Variants in BACH2 observed in about 807,000 individuals in gnomAD.
The protein encoded by BACH2 is BACH transcriptional regulator 2, also known as transcription regulator protein BACH2.
A neutral mutation model predicts 61.8 loss-of-function variants in BACH2; 5 were observed. The observed-to-expected ratio is 0.08, with a 90% CI of 0.04 to 0.17. BACH2 has a LOEUF of 0.17. BACH2 is among the 10% of genes least tolerant of loss of function. The probability of loss-of-function intolerance (pLI) is 1.00; values close to 1 mark genes in which losing one functional copy is unlikely to be tolerated. For missense variants in BACH2, 824 were observed against 1,091.1 expected (o/e 0.76, Z 3.45); for synonymous variants, 446 against 440.1 (o/e 1.01, Z -0.17).
intron 5 of BACH2, among the ~76,000 whole-genome samples, chr6:90,060,029 G>A (rs1471307092): frequency 1.3e-5 from 2 of 150,654 alleles, no homozygotes; most frequent in Non-Finnish European, 3.0e-5. Context: ...AATGCTAAAT[G>A]ACGAGTTAAT....
At chr6:90,174,904 G>A (rs902795319) in intron 4 of BACH2, among the ~76,000 whole-genome samples, 2 of 150,846 alleles carry the variant, frequency 1.3e-5, no homozygotes, top group Non-Finnish European at 3.0e-5. Context: ...TGGTACATAT[G>A]TAGTAAAACT....
At chr6:90,186,094 A>G (rs1158522352) in intron 4 of BACH2, among the ~76,000 whole-genome samples, 1 of 152,238 alleles carries the variant, frequency 6.6e-6, no homozygotes, top group Non-Finnish European at 1.5e-5. Context: ...GTAAAACAGT[A>G]CTGTAATTTT....
chr6:89,934,938 T>C (rs1426275826), intron 8 of BACH2, among the ~76,000 whole-genome samples: 1 of 152,082 alleles, frequency 6.6e-6, no homozygotes, highest in Non-Finnish European at 1.5e-5. Flanking sequence ...GGCATGTGTG[T>C]CGGAAAGAGA....
At chr6:90,291,895 TG>T (rs1440643904) in intron 1 of BACH2, among the ~76,000 whole-genome samples, 4 of 152,234 alleles carry the variant, frequency 2.6e-5, no homozygotes, top group Non-Finnish European at 5.9e-5. Flanking sequence ...CAACCAGCAT[TG>T]ACTTCTGAAC....
chr6:90,245,378 G>A lies in BACH2; in HGVS notation c.-275+7135C>T, dbSNP rs183397502. 1.3e-4 allele frequency among the ~76,000 whole-genome samples: 20 copies of A among 152,150 alleles called. No individual in the cohort carries two copies. The East Asian group carries it at 3.9e-3, about 29-fold the overall frequency. ...GGCCAAGGCAGGAGGATCACTTGAGGCCAGGAGTTCAAGACCAGTCAGGGC... is the reference window on the plus strand; with the variant it reads ...GGCCAAGGCAGGAGGATCACTTGAGACCAGGAGTTCAAGACCAGTCAGGGC... On this transcript the variant is annotated intron_variant, in intron 3 of 8. Transcript: ENST00000257749.
intron 4 of BACH2, among the ~76,000 whole-genome samples, chr6:90,141,710 T>C (rs1256494681): frequency 1.3e-5 from 2 of 152,206 alleles, no homozygotes; most frequent in African/African-American, 4.8e-5. Context: ...TTTAGTTGTA[T>C]ATACATACTT....
intron 4 of BACH2, among the ~76,000 whole-genome samples, chr6:90,196,010 C>T (rs558543886): frequency 6.6e-6 from 1 of 152,176 alleles, no homozygotes; most frequent in East Asian, 1.9e-4. Flanking sequence ...ATAGGTAGAA[C>T]AATCCTCAGT....
At chr6:90,030,384 G>C (rs943759633) in intron 5 of BACH2, among the ~76,000 whole-genome samples, 11 of 151,986 alleles carry the variant, frequency 7.2e-5, no homozygotes, top group Non-Finnish European at 1.5e-4. Context: ...TAGGAGGAAG[G>C]TTTCTGATTT....
intron 4 of BACH2, among the ~76,000 whole-genome samples, chr6:90,112,991 A>T (rs1783239573): frequency 6.6e-6 from 1 of 152,212 alleles, no homozygotes; most frequent in Admixed American, 6.5e-5. Flanking sequence ...ACCAACAAAG[A>T]TCAAAAAAGA....
chr6:90,056,916 G>T (rs1245491193), intron 5 of BACH2, among the ~76,000 whole-genome samples: 1 of 152,186 alleles, frequency 6.6e-6, no homozygotes, highest in African/African-American at 2.4e-5. Context: ...GATGTTCTTT[G>T]AAATCAACGA....
At chr6:89,942,690 G>A (rs534357922) in intron 7 of BACH2, among the ~76,000 whole-genome samples, 1 of 152,242 alleles carries the variant, frequency 6.6e-6, no homozygotes, top group African/African-American at 2.4e-5. Context: ...ATTCATGGGC[G>A]CCACTCTTTA....
chr6:89,977,105 T>C (rs1198896619), intron 6 of BACH2, among the ~76,000 whole-genome samples: 1 of 152,238 alleles, frequency 6.6e-6, no homozygotes, highest in African/African-American at 2.4e-5. Flanking sequence ...ATTATCTAGA[T>C]GCTATCTGCT....
At chr6:90,111,587 C>T (rs1195090616) in intron 4 of BACH2, among the ~76,000 whole-genome samples, 8 of 152,200 alleles carry the variant, frequency 5.3e-5, no homozygotes, top group Non-Finnish European at 1.2e-4. Flanking sequence ...GAAGGCTCCT[C>T]CCCCAGGTTT....
intron 2 of BACH2, among the ~76,000 whole-genome samples, chr6:90,262,887 G>T (rs1771209933): frequency 6.6e-6 from 1 of 152,150 alleles, no homozygotes; most frequent in African/African-American, 2.4e-5. Context: ...ATTGGAAACA[G>T]GAGACGATTA....
At chr6:90,217,275 G>A (rs1308011649) in intron 3 of BACH2, among the ~76,000 whole-genome samples, 1 of 152,106 alleles carries the variant, frequency 6.6e-6, no homozygotes, top group Non-Finnish European at 1.5e-5. Context: ...AACAGAAGGA[G>A]TTTATACGTG....
intron 4 of BACH2, among the ~76,000 whole-genome samples, chr6:90,195,850 C>G (rs1202589067): frequency 6.6e-6 from 1 of 152,188 alleles, no homozygotes; most frequent in Non-Finnish European, 1.5e-5. Context: ...TCTCAACCCC[C>G]TTCCAGCTCC....
intron 7 of BACH2, among the ~76,000 whole-genome samples, chr6:89,948,815 CA>C (rs1773901159): frequency 6.6e-6 from 1 of 152,304 alleles, no homozygotes; most frequent in African/African-American, 2.4e-5. Context: ...CCCACCACCC[CA>C]AACCTAAGGG....
chr6:90,037,586 G>A (rs1779323174), intron 5 of BACH2, among the ~76,000 whole-genome samples: 1 of 152,206 alleles, frequency 6.6e-6, no homozygotes, highest in Non-Finnish European at 1.5e-5. Context: ...TCAACAGCAC[G>A]CTTCACATAT....
chr6:90,102,839 T>TAATAATAAAAAAAAA (rs751278080), intron 4 of BACH2, among the ~76,000 whole-genome samples: 18 of 122,218 alleles, frequency 1.5e-4, no homozygotes, highest in Admixed American at 1.4e-3. Flanking sequence ...ATAATAATAA[T>TAATAATAAAAAAAAA]AAAAATAAAA....
Sources: allele counts gnomAD v4.1 joint callset (sites outside exome capture counted in the v4.1 genomes callset), GRCh38; gene constraint gnomAD v4.1.1; transcripts MANE v1.5; gene names NCBI Gene and HGNC (gene_info 2026-07-23, HGNC 2026-07-21).